FNDC3A: variants seen among roughly 807,000 people sequenced by gnomAD.
The protein encoded by FNDC3A is fibronectin type III domain containing 3A.
FNDC3A carries 32 observed loss-of-function variants against 148.9 expected under a neutral mutation model. The observed-to-expected ratio is 0.21, with a 90% CI of 0.16 to 0.29. The LOEUF (loss-of-function observed/expected upper bound fraction) is 0.29. FNDC3A is among the 10% of genes least tolerant of loss of function. The probability of loss-of-function intolerance (pLI) is 1.00; values close to 1 mark genes in which losing one functional copy is unlikely to be tolerated. For synonymous variants in FNDC3A, 472 were observed against 473.6 expected (o/e 1.00, Z 0.04); for missense variants, 1,191 against 1,452.8 (o/e 0.82, Z 2.93).
chr13:49,079,379 A>G (rs1483963508), intron 3 of FNDC3A, among the ~76,000 whole-genome samples: 1 of 152,224 alleles, frequency 6.6e-6, no homozygotes, highest in East Asian at 1.9e-4. Context: ...AGAGATACAC[A>G]TAGGGTGTTA....
At chr13:49,026,413 C>G (rs1300084075) in intron 2 of FNDC3A, among the ~76,000 whole-genome samples, 1 of 152,184 alleles carries the variant, frequency 6.6e-6, no homozygotes, top group African/African-American at 2.4e-5. Context: ...GTCTACTTTT[C>G]TGTATGTTTA....
At chr13:49,070,473 A>C (rs1395378618) in intron 2 of FNDC3A, among the ~76,000 whole-genome samples, 2 of 152,228 alleles carry the variant, frequency 1.3e-5, no homozygotes, top group African/African-American at 4.8e-5. Flanking sequence ...TGTATTTTTA[A>C]AGATACATGT....
chr13:49,139,254 G>A (rs1882556409), intron 7 of FNDC3A, among the ~76,000 whole-genome samples: 1 of 152,156 alleles, frequency 6.6e-6, no homozygotes, highest in Non-Finnish European at 1.5e-5. Context: ...TAAGCATGGG[G>A]AGTTGGACAG....
rs79328082 is a variant in FNDC3A, at chr13:49,166,720, C to T, written c.978-524C>T. On this transcript the variant is annotated intron_variant, in intron 8 of 25. Coordinates refer to ENST00000492622, the MANE Select transcript of FNDC3A (RefSeq NM_001079673.2). ...TTCTAGGCTCCCAGCTGATTGCAGC[C>T]GAGCAGGCTTACTTCCTTCTCCTTC... Among the ~76,000 whole-genome samples the T allele has an allele frequency of 4.3e-4, 65 of 152,270 alleles. No homozygotes were observed. The East Asian group carries it at 0.012, about 27-fold the overall frequency.
intron 2 of FNDC3A, among the ~76,000 whole-genome samples, chr13:49,021,869 A>AT (rs1488621654): frequency 6.6e-6 from 1 of 151,990 alleles, no homozygotes; most frequent in African/African-American, 2.4e-5. Context: ...GTAATACAAC[A>AT]TTTTTTCTAG....
chr13:49,086,609 CA>C (rs1166906604), intron 3 of FNDC3A, among the ~76,000 whole-genome samples: 4 of 152,112 alleles, frequency 2.6e-5, no homozygotes, highest in Non-Finnish European at 5.9e-5. Flanking sequence ...AAGTCAAAAC[CA>C]CATGTAGTAG....
intron 1 of FNDC3A, among the ~76,000 whole-genome samples, chr13:48,999,506 A>C (rs1460082475): frequency 2.0e-5 from 3 of 152,210 alleles, no homozygotes; most frequent in African/African-American, 7.2e-5. Flanking sequence ...GATGATACTT[A>C]GATGAGACCT....
At chr13:49,197,593 A>G (rs1886214564) in intron 20 of FNDC3A, 132 bp from the exon 21 acceptor site, 2 of 681,880 alleles carry the variant, frequency 2.9e-6, no homozygotes, top group Non-Finnish European at 5.0e-6. Context: ...AACAGTTTTG[A>G]TTGTGCTTAA....
intron 4 of FNDC3A, among the ~76,000 whole-genome samples, chr13:49,129,235 G>T (rs1369475836): frequency 6.6e-6 from 1 of 152,222 alleles, no homozygotes; most frequent in Non-Finnish European, 1.5e-5. Flanking sequence ...GAAGCAAAGT[G>T]AAGAAGAATA....
intron 2 of FNDC3A, among the ~76,000 whole-genome samples, chr13:49,033,301 T>C (rs1233939100): frequency 1.3e-5 from 2 of 152,196 alleles, no homozygotes; most frequent in African/African-American, 4.8e-5. Flanking sequence ...GCTATGGTGA[T>C]ATAGTCATGT....
chr13:49,160,933 A>G (rs1884065012), intron 8 of FNDC3A, among the ~76,000 whole-genome samples: 1 of 152,148 alleles, frequency 6.6e-6, no homozygotes, highest in Admixed American at 6.5e-5. Context: ...TGCGGTTTTG[A>G]GTGAGTTTCT....
intron 8 of FNDC3A, among the ~76,000 whole-genome samples, chr13:49,164,917 C>A (rs893967520): frequency 3.3e-5 from 5 of 152,212 alleles, no homozygotes; most frequent in South Asian, 2.1e-4. Flanking sequence ...ACTTCACATT[C>A]TGAAATTCTT....
chr13:49,083,973 CTGAA>C (rs1878645588), intron 3 of FNDC3A, among the ~76,000 whole-genome samples: 1 of 152,182 alleles, frequency 6.6e-6, no homozygotes, highest in Admixed American at 6.5e-5. Flanking sequence ...AATGAGGACT[CTGAA>C]TGAGCGTGTT....
chr13:49,170,759 A>G (rs1274623837), intron 10 of FNDC3A, among the ~76,000 whole-genome samples: 2 of 152,186 alleles, frequency 1.3e-5, no homozygotes, highest in East Asian at 1.9e-4. Context: ...ACTAAATGAG[A>G]TAAGGTAAAA....
At chr13:49,153,951 G>A (rs1883486475) in intron 8 of FNDC3A, among the ~76,000 whole-genome samples, 1 of 136,100 alleles carries the variant, frequency 7.3e-6, no homozygotes, top group African/African-American at 2.8e-5. Flanking sequence ...GTCAGGTAGT[G>A]TGATACCTCC....
chr13:49,064,728 T>C (rs1043767128), intron 2 of FNDC3A, among the ~76,000 whole-genome samples: 3 of 152,116 alleles, frequency 2.0e-5, no homozygotes, highest in African/African-American at 7.2e-5. Flanking sequence ...CTTTATAGCA[T>C]GGTGAGGCGG....
At chr13:49,044,302 C>A (rs1323141461) in intron 2 of FNDC3A, 2 of 172,114 alleles carry the variant, frequency 1.2e-5, no homozygotes, top group South Asian at 1.5e-4. Context: ...TTATTCCATG[C>A]TCCCCATAAG....
intron 2 of FNDC3A, among the ~76,000 whole-genome samples, chr13:49,016,737 T>G (rs1209414462): frequency 6.6e-6 from 1 of 152,154 alleles, no homozygotes; most frequent in Non-Finnish European, 1.5e-5. Context: ...TTGTGGGCAT[T>G]TAGTGCTATA....
chr13:49,183,010 C>G (rs899519587), intron 14 of FNDC3A, among the ~76,000 whole-genome samples: 3 of 152,116 alleles, frequency 2.0e-5, no homozygotes, highest in Non-Finnish European at 4.4e-5. Flanking sequence ...ATTAATCTTT[C>G]TGAAAAACAC....
Sources: gnomAD v4.1 joint callset for allele counts (sites outside exome capture counted in the v4.1 genomes callset) on GRCh38, gnomAD v4.1.1 for gene constraint, MANE v1.5 for transcripts, NCBI Gene and HGNC (gene_info 2026-07-23, HGNC 2026-07-21) for gene names.